The following DHX32 variants were observed in gnomAD, a reference collection of about 807,000 sequenced individuals.
DHX32 encodes the protein DEAH-box helicase 32 (putative).
DHX32 carries 51 observed loss-of-function variants against 70.0 expected under a neutral mutation model. The observed-to-expected ratio is 0.73, with a 90% CI of 0.58 to 0.92. The LOEUF (loss-of-function observed/expected upper bound fraction) is 0.92, where lower values mean the gene tolerates loss of function less well. Ranked by LOEUF, DHX32 falls within the 40% of genes least tolerant of loss-of-function variation. DHX32 has a pLI of 0.00. For synonymous variants in DHX32, 310 were observed against 315.3 expected (o/e 0.98, Z 0.18); for missense variants, 762 against 891.8 (o/e 0.85, Z 1.85).
intron 6 of DHX32, among the ~76,000 whole-genome samples, chr10:125,843,209 G>A (rs145480500): frequency 1.3e-5 from 2 of 152,162 alleles, no homozygotes; most frequent in East Asian, 3.9e-4. Flanking sequence ...GGTGGGCAGG[G>A]GCTGAAGACT....
At chr10:125,849,009 G>C (rs1051840928) in intron 6 of DHX32, among the ~76,000 whole-genome samples, 2 of 152,204 alleles carry the variant, frequency 1.3e-5, no homozygotes, top group African/African-American at 4.8e-5. Context: ...TTTTGGCATA[G>C]TCCCCTCAAT....
chr10:125,859,902 A>C lies in DHX32; in HGVS notation c.550T>G (p.Leu184Val), dbSNP rs544152901. 2 of 1,614,038 alleles carry C rather than the reference A, an allele frequency of 1.2e-6. No individual in the cohort carries two copies. Among genetic ancestry groups the C allele is most frequent in the East Asian group, 4.5e-5 (2 of 44,872 alleles). The change falls in exon 3 of 11, where the codon TTA becomes GTA. Residue 184 changes from leucine (L) to valine (V), a missense_variant. This residue lies in a region of DHX32 where 394 missense variants were observed against 473.1 expected (regional missense o/e 0.83). Transcript: ENST00000284690. ...ATGCTTCTTTCATGAATATCATCTA[A>C]GATGATGACCCCATAGCTACCCAAA... ...PFLGSYGVIILDDIHERSIAT... is the reference protein window; with the variant it reads ...PFLGSYGVIIVDDIHERSIAT...
At chr10:125,850,007 C>A (rs369036323) in intron 6 of DHX32, among the ~76,000 whole-genome samples, 80 of 152,162 alleles carry the variant, frequency 5.3e-4, no homozygotes, top group African/African-American at 1.9e-3. Flanking sequence ...TGCTCTGTCA[C>A]CCTGTCTGAA....
chr10:125,880,910 C>G lies in DHX32; in HGVS notation c.-86G>C, dbSNP rs1944313457. Reference sequence around the variant, plus strand: ...CCCATTGCAAACAGGGCTTAAAAGCCTATTTATACAAACCCGTATGTTCCA... The same window carrying G: ...CCCATTGCAAACAGGGCTTAAAAGCGTATTTATACAAACCCGTATGTTCCA... On this transcript the variant is annotated 5_prime_UTR_variant, in exon 1 of 11. Transcript: ENST00000284690. 13 of 1,467,954 alleles carry G rather than the reference C, an allele frequency of 8.9e-6. No homozygotes were observed. The South Asian group carries it at 1.6e-4, about 18-fold the overall frequency. The allele number at this position is 1,467,954 out of a possible 1,614,324, so 90.9% of individuals were successfully genotyped here.
rs773095402 is a variant in DHX32, at chr10:125,854,050, T to C, written c.1003A>G (p.Arg335Gly). Residue 335 changes from arginine (R) to glycine (G), a missense_variant, in exon 4 of 11, where the codon AGA becomes GGA. Coordinates refer to ENST00000284690, the MANE Select transcript of DHX32 (RefSeq NM_018180.3). ...TEKRCQVYQRRVVLTTSSGEF... is the reference protein window; with the variant it reads ...TEKRCQVYQRGVVLTTSSGEF... ...CCAGAGCTAGTAGTTAACACCACTCTTCTTTGATAAACTTGGCATCTTTTT... is the reference window on the plus strand; with the variant it reads ...CCAGAGCTAGTAGTTAACACCACTCCTCTTTGATAAACTTGGCATCTTTTT... The C allele has an allele frequency of 6.2e-7, 1 of 1,614,118 alleles. No individual in the cohort carries two copies. Among genetic ancestry groups the C allele is most frequent in the South Asian group, 1.1e-5 (1 of 91,082 alleles).
At chr10:125,856,793 A>C (rs1024298201) in intron 3 of DHX32, among the ~76,000 whole-genome samples, 17 of 152,084 alleles carry the variant, frequency 1.1e-4, no homozygotes, top group African/African-American at 2.2e-4. Context: ...CAAAAAAAAA[A>C]CAAAAAACAA....
chr10:125,882,132 T>C (rs967472217), upstream of DHX32, among the ~76,000 whole-genome samples: 1 of 152,174 alleles, frequency 6.6e-6, no homozygotes, highest in Non-Finnish European at 1.5e-5. Context: ...AGTCCCCACA[T>C]GTCAGGTGAA....
At chr10:125,882,517 A>G (rs1944323354), upstream of DHX32, among the ~76,000 whole-genome samples, 1 of 152,192 alleles carries the variant, frequency 6.6e-6, no homozygotes, top group African/African-American at 2.4e-5. Context: ...TACACACATA[A>G]AGGATATTTT....
intron 6 of DHX32, 27 bp downstream of exon 6, chr10:125,852,247 GTGAATCTCAGCCTAATGCC>G: frequency 6.2e-7 from 1 of 1,600,538 alleles, no homozygotes; most frequent in Non-Finnish European, 8.5e-7. Context: ...GCAGGAGAAG[GTGAATCTCAGCCTAATGCC>G]TGGCTGACAT....
intron 6 of DHX32, among the ~76,000 whole-genome samples, chr10:125,847,464 G>A (rs1452232900): frequency 1.3e-5 from 2 of 152,130 alleles, no homozygotes; most frequent in African/African-American, 2.4e-5. Flanking sequence ...TGGTAGGGAC[G>A]TAGCATAGGG....
At position 125,866,789 on chromosome 10, in the gene DHX32, A is replaced by G. The variant is rs1412103464; in HGVS notation, c.476+201T>C. On this transcript the variant is annotated intron_variant, in intron 2 of 10. Coordinates refer to ENST00000284690, the MANE Select transcript of DHX32 (RefSeq NM_018180.3). This position sits in a 1 kb window ranked among gnomAD's most constrained non-coding sequence, Gnocchi z 4.8. ...CTTTTTCCAGGGGATAATGGGAGTC[A>G]TGGGATACATTTAGACAAGGAATCC... Among the ~76,000 whole-genome samples, 4 of 152,256 alleles carry G rather than the reference A, an allele frequency of 2.6e-5. No individual in the cohort carries two copies. Among genetic ancestry groups the G allele is most frequent in the African/African-American group, 9.6e-5 (4 of 41,480 alleles).
At chr10:125,854,455 T>A in intron 3 of DHX32, 1 of 303,358 alleles carries the variant, frequency 3.3e-6, no homozygotes. Flanking sequence ...AAAATCTAAG[T>A]AAAAAAGATG....
upstream of DHX32, among the ~76,000 whole-genome samples, chr10:125,883,237 C>A (rs971530686): frequency 6.6e-6 from 1 of 152,196 alleles, no homozygotes; most frequent in African/African-American, 2.4e-5. Flanking sequence ...ACACATTAGC[C>A]TTAACCACTT....
Position 125,877,276 on chromosome 10 carries a change from A to G in DHX32, c.282+3267T>C, listed in dbSNP as rs553264829. 4.0e-4 allele frequency among the ~76,000 whole-genome samples: 61 copies of G among 152,348 alleles called. 1 individual carries two copies. The highest frequency in any genetic ancestry group is 1.4e-3 in the African/African-American group (58 of 41,582). On this transcript the variant is annotated intron_variant, in intron 1 of 10. Transcript: ENST00000284690. Reference sequence around the variant, plus strand: ...TCGTAATGAACTGAAATCGTTTGTTATAACAATAACAGCGTAACAAAGAAC... The same window carrying G: ...TCGTAATGAACTGAAATCGTTTGTTGTAACAATAACAGCGTAACAAAGAAC...
At chr10:125,844,968 G>A (rs1433700392) in intron 6 of DHX32, among the ~76,000 whole-genome samples, 1 of 152,322 alleles carries the variant, frequency 6.6e-6, no homozygotes, top group East Asian at 1.9e-4. Flanking sequence ...ACTGTTCTGT[G>A]TGCCTGTTTT....
intron 3 of DHX32, among the ~76,000 whole-genome samples, chr10:125,857,089 C>T (rs567456322): frequency 4.5e-4 from 68 of 152,276 alleles, no homozygotes; most frequent in African/African-American, 1.6e-3. Flanking sequence ...CATCAAATAG[C>T]ATGGGGGGAA....
At chr10:125,846,400 T>A (rs1280705372) in intron 6 of DHX32, among the ~76,000 whole-genome samples, 1 of 152,226 alleles carries the variant, frequency 6.6e-6, no homozygotes, top group Admixed American at 6.5e-5. Flanking sequence ...GTTTTCTATA[T>A]GAGTAGTTAA....
chr10:125,841,932 G>C lies in DHX32; in HGVS notation c.1354C>G (p.Pro452Ala). 4 of 1,582,954 alleles carry C rather than the reference G, an allele frequency of 2.5e-6. No individual in the cohort carries two copies. The highest frequency in any genetic ancestry group is 3.4e-6 in the Non-Finnish European group (4 of 1,170,460). ...GHCDFMNRPA[P>A]ESLMQALEDL... is the part of the protein sequence containing the mutation. Reference sequence around the variant, plus strand: ...TCCAATGCCTGCATCAAACTTTCTGGTGCTAGGAAAGGAAAAAAATAATAA... The same window carrying C: ...TCCAATGCCTGCATCAAACTTTCTGCTGCTAGGAAAGGAAAAAAATAATAA... The change falls in exon 7 of 11, where the codon CCA (proline) becomes GCA (alanine). Residue 452 changes from proline (P) to alanine (A), a missense_variant and splice_region_variant. Physicochemically the swap from Pro to Ala is conservative, Grantham distance 27 (BLOSUM62 -1). Around this residue, in one of 3 missense-constraint regions of DHX32, gnomAD observed 366 missense variants for 402.6 expected, o/e 0.91. Transcript: ENST00000284690.
At position 125,852,652 on chromosome 10, in the gene DHX32, G is replaced by A. The variant is rs772989683; in HGVS notation, c.1093-10C>T. On this transcript the variant is annotated splice_polypyrimidine_tract_variant and intron_variant, in intron 4 of 10. Coordinates refer to ENST00000284690, the MANE Select transcript of DHX32 (RefSeq NM_018180.3). The stretch of plus-strand genomic sequence containing the variant: ...TTCTCGGGTTGTACACCTTTAAATG[G>A]AAAGACAGCATCATTAGCGTCAGAT... 1.7e-5 allele frequency: 27 copies of A among 1,595,116 alleles called. No homozygotes were observed. The highest frequency in any genetic ancestry group is 2.1e-5 in the Non-Finnish European group (25 of 1,172,876).
Sources: gnomAD v4.1 joint callset for allele counts (sites outside exome capture counted in the v4.1 genomes callset) on GRCh38, gnomAD v4.1.1 for gene constraint, gnomAD v4.1.1 regional missense constraint, Gnocchi (gnomAD v3.1) non-coding constraint, MANE v1.5 for transcripts, NCBI Gene and HGNC (gene_info 2026-07-23, HGNC 2026-07-21) for gene names.